ATRNL1: variants seen among roughly 807,000 people sequenced by gnomAD.
ATRNL1 encodes the protein attractin like 1.
Under a neutral mutation model 182.7 loss-of-function variants are expected in ATRNL1, and 95 were observed. The observed-to-expected ratio is 0.52, with a 90% CI of 0.44 to 0.62. ATRNL1 has a LOEUF of 0.62. Ranked by LOEUF, ATRNL1 falls within the 20% of genes least tolerant of loss-of-function variation. The probability of loss-of-function intolerance (pLI) is 0.00; values close to 1 mark genes in which losing one functional copy is unlikely to be tolerated. For missense variants in ATRNL1, 1,471 were observed against 1,679.5 expected, an observed-to-expected ratio of 0.88 and a Z score of 2.17; for synonymous variants, 576 against 568.3, an observed-to-expected ratio of 1.01 and a Z score of -0.19.
chr10:115,384,039 G>T (rs1387761345), intron 19 of ATRNL1, among the ~76,000 whole-genome samples: 2 of 151,878 alleles, frequency 1.3e-5, no homozygotes, highest in African/African-American at 4.8e-5. Context: ...TAACAGTACA[G>T]ATCTTAAAAT....
At chr10:115,895,755 C>G (rs1555112363) in intron 28 of ATRNL1, among the ~76,000 whole-genome samples, 1 of 152,176 alleles carries the variant, frequency 6.6e-6, no homozygotes, top group Non-Finnish European at 1.5e-5. Flanking sequence ...AACTCTTACT[C>G]AAAGAGGGAA....
In ATRNL1 at chr10:115,544,615, C is replaced by T. The variant is rs577119190; in HGVS notation, c.3717-4843C>T. ...TCACTCACTATTGTGAAGTCAGCATCAAGCCATGAAGGATCTTTTCCCCTG... is the reference window on the plus strand; with the variant it reads ...TCACTCACTATTGTGAAGTCAGCATTAAGCCATGAAGGATCTTTTCCCCTG... On this transcript the variant is annotated intron_variant, in intron 25 of 28. Transcript: ENST00000355044. 5.9e-5 allele frequency among the ~76,000 whole-genome samples: 9 copies of T among 152,316 alleles called. No homozygotes were observed. In the South Asian group the frequency reaches 1.9e-3, roughly 32 times the overall value.
intron 13 of ATRNL1, among the ~76,000 whole-genome samples, chr10:115,271,546 C>G (rs142848576): frequency 1.1e-3 from 168 of 152,208 alleles, no homozygotes; most frequent in African/African-American, 3.8e-3. Flanking sequence ...GTAAATCATG[C>G]TGCTATAAAG....
intron 8 of ATRNL1, among the ~76,000 whole-genome samples, chr10:115,186,906 TATCTC>T (rs1238382400): frequency 3.9e-5 from 6 of 152,242 alleles, no homozygotes; most frequent in African/African-American, 1.4e-4. Context: ...TGTTTCAAAA[TATCTC>T]ATGTAACCCA....
intron 9 of ATRNL1, 117 bp from the exon 10 acceptor site, chr10:115,241,454 T>C (rs1850417651): frequency 3.6e-6 from 2 of 548,144 alleles, no homozygotes; most frequent in Non-Finnish European, 5.9e-6. Flanking sequence ...AATATGTTTT[T>C]TTCCCCCACA....
intron 5 of ATRNL1, among the ~76,000 whole-genome samples, chr10:115,141,921 G>T (rs2143821509): frequency 6.6e-6 from 1 of 152,168 alleles, no homozygotes; most frequent in South Asian, 2.1e-4. Context: ...ATGTATATAT[G>T]ACAGCCCTTT....
intron 28 of ATRNL1, among the ~76,000 whole-genome samples, chr10:115,884,902 T>C (rs1336525795): frequency 1.3e-5 from 2 of 152,222 alleles, no homozygotes; most frequent in Non-Finnish European, 2.9e-5. Context: ...TGCACAAAGG[T>C]CTGCAGCTTT....
chr10:115,338,961 C>T (rs1470325369), intron 19 of ATRNL1, among the ~76,000 whole-genome samples: 1 of 152,158 alleles, frequency 6.6e-6, no homozygotes, highest in African/African-American at 2.4e-5. Context: ...TTTCCCAGCA[C>T]CATTTATTGA....
chr10:115,737,659 C>A (rs1475383733), intron 27 of ATRNL1, among the ~76,000 whole-genome samples: 1 of 152,032 alleles, frequency 6.6e-6, no homozygotes, highest in Non-Finnish European at 1.5e-5. Context: ...AGGGAGGTCC[C>A]CTTCACTTGT....
At chr10:115,295,511 C>A (rs1853136461) in intron 15 of ATRNL1, among the ~76,000 whole-genome samples, 1 of 152,152 alleles carries the variant, frequency 6.6e-6, no homozygotes, top group African/African-American at 2.4e-5. Context: ...GCCCTGATTG[C>A]CAGTGCAAGG....
chr10:115,156,138 C>T (rs1050399305), intron 5 of ATRNL1, among the ~76,000 whole-genome samples: 1 of 152,042 alleles, frequency 6.6e-6, no homozygotes, highest in Non-Finnish European at 1.5e-5. Flanking sequence ...AGACTGATAA[C>T]GTGCGATGCT....
At chr10:115,660,308 G>T (rs1565259720) in intron 26 of ATRNL1, among the ~76,000 whole-genome samples, 1 of 152,280 alleles carries the variant, frequency 6.6e-6, no homozygotes, top group Non-Finnish European at 1.5e-5. Flanking sequence ...CAGGCAACTA[G>T]TTGGCTTGTA....
At chr10:115,902,964 C>G (rs1952399471) in intron 28 of ATRNL1, among the ~76,000 whole-genome samples, 1 of 152,170 alleles carries the variant, frequency 6.6e-6, no homozygotes, top group South Asian at 2.1e-4. Context: ...GATCTTTTGA[C>G]ACATCTTTCC....
At chr10:115,294,542 A>C (rs912268977) in intron 15 of ATRNL1, among the ~76,000 whole-genome samples, 46 of 152,242 alleles carry the variant, frequency 3.0e-4, no homozygotes, top group African/African-American at 1.1e-3. Flanking sequence ...ATCTCACTGA[A>C]GTTCCTTAAG....
chr10:115,549,384 C>A, intron 25 of ATRNL1, 74 bp from the exon 26 acceptor site: 1 of 1,001,096 alleles, frequency 1.0e-6, no homozygotes, highest in Non-Finnish European at 1.4e-6. Context: ...GTATTTGAGT[C>A]TTTCATGTAC....
intron 28 of ATRNL1, among the ~76,000 whole-genome samples, chr10:115,932,068 T>C (rs1555121761): frequency 1.3e-5 from 2 of 152,164 alleles, no homozygotes; most frequent in African/African-American, 4.8e-5. Context: ...CTTCTCAATC[T>C]ATAGTAGCTT....
chr10:115,922,273 A>G (rs1243992035), intron 28 of ATRNL1, among the ~76,000 whole-genome samples: 1 of 152,208 alleles, frequency 6.6e-6, no homozygotes, highest in Admixed American at 6.5e-5. Context: ...TGTATGTTTT[A>G]ATAAAGCAGA....
At chr10:115,628,297 G>T (rs12774040) in intron 26 of ATRNL1, among the ~76,000 whole-genome samples, 4 of 151,926 alleles carry the variant, frequency 2.6e-5, no homozygotes, top group Non-Finnish European at 4.4e-5. Flanking sequence ...GTGTGAGGGC[G>T]TATCTCATTT....
intron 26 of ATRNL1, among the ~76,000 whole-genome samples, chr10:115,686,099 T>C (rs1555046254): frequency 1.3e-5 from 2 of 151,838 alleles, no homozygotes; most frequent in Non-Finnish European, 2.9e-5. Context: ...ATTTATCCAA[T>C]AATTGAATAA....
Sources: allele counts gnomAD v4.1 joint callset (sites outside exome capture counted in the v4.1 genomes callset), GRCh38; gene constraint gnomAD v4.1.1; transcripts MANE v1.5; gene names NCBI Gene and HGNC (gene_info 2026-07-23, HGNC 2026-07-21).